MGAM: variants seen among roughly 807,000 people sequenced by gnomAD.
MGAM encodes the protein alpha-1,4-glucosidase.
MGAM carries 253 observed loss-of-function variants against 358.8 expected under a neutral mutation model. The ratio of observed to expected loss-of-function variants is 0.71; its 90% CI spans 0.64 to 0.78. The LOEUF is 0.78. MGAM is among the 30% of genes least tolerant of loss of function. The pLI is 0.00. For synonymous variants in MGAM, 1,105 were observed against 1,227.1 expected (o/e 0.90, Z 2.08); for missense variants, 3,080 against 3,432.6 (o/e 0.90, Z 2.57).
At chr7:142,015,796 GT>G (rs1301359310) in intron 3 of MGAM, among the ~76,000 whole-genome samples, 6 of 151,918 alleles carry the variant, frequency 3.9e-5, no homozygotes, top group Non-Finnish European at 8.8e-5. Context: ...TTGTTGTACA[GT>G]TTTGGTGGAT....
chr7:142,099,454 C>A (rs570251457), intron 66 of MGAM, among the ~76,000 whole-genome samples, 159 bp from the exon 67 acceptor site: 2 of 152,288 alleles, frequency 1.3e-5, no homozygotes, highest in South Asian at 2.1e-4. Flanking sequence ...AGATTTCTTG[C>A]AGCACTGGGT....
intron 21 of MGAM, among the ~76,000 whole-genome samples, chr7:142,046,184 GCTC>G (rs943198619): frequency 7.2e-6 from 1 of 139,264 alleles, no homozygotes; most frequent in African/African-American, 2.7e-5. Flanking sequence ...TTTGTTTTTT[GCTC>G]CTTAGATGAT....
chr7:142,079,069 TG>T (rs1813997122), intron 49 of MGAM, 61 bp downstream of exon 49: 2 of 1,378,700 alleles, frequency 1.5e-6, no homozygotes, highest in Admixed American at 3.9e-5. Flanking sequence ...TATCTTTTTC[TG>T]GTTCAGGTCA....
At chr7:142,102,609 T>G in intron 68 of MGAM, 21 bp from the exon 69 acceptor site, 1 of 1,611,294 alleles carries the variant, frequency 6.2e-7, no homozygotes, top group Non-Finnish European at 8.5e-7. Flanking sequence ...AGGCCATGTT[T>G]ATCTTGTTTT....
rs1380291666 is a variant in MGAM, at chr7:142,082,891, G to T, written c.6268+320G>T. ...TAGGGTAAAACTATGGGTCAGAGAA[G>T]TTAGTCTGGGGATTGTGAGGGTGTA... On this transcript the variant is annotated intron_variant, in intron 52 of 70. Coordinates refer to ENST00000475668, the MANE Select transcript of MGAM (RefSeq NM_001365693.1). Among the ~76,000 whole-genome samples the T allele has an allele frequency of 1.2e-4, 18 of 145,886 alleles. 4 individuals carry two copies. The highest frequency in any genetic ancestry group is 4.7e-5 in the Non-Finnish European group (3 of 64,364).
chr7:142,106,614 TA>T lies in MGAM; in HGVS notation c.*728del, dbSNP rs772018885. The T allele has an allele frequency of 3.3e-5, 5 of 152,216 alleles. No homozygotes were observed. The highest frequency in any genetic ancestry group is 4.4e-5 in the Non-Finnish European group (3 of 68,036). 9.4% of individuals were successfully genotyped at this position (152,216 alleles called of 1,614,324 possible). A position where few individuals can be genotyped will look rare whatever the true frequency, so the allele number is the denominator to read the frequency against. On this transcript the variant is annotated 3_prime_UTR_variant, in exon 71 of 71. Transcript: ENST00000475668. ...AAAGCTCAAAAGAGAGTTTGGAGGT[TA>T]AAAATAATTTATTTTTGCAGTAGTG...
At chr7:142,033,832 C>T (rs1193999236) in intron 14 of MGAM, among the ~76,000 whole-genome samples, 1 of 152,000 alleles carries the variant, frequency 6.6e-6, no homozygotes, top group Non-Finnish European at 1.5e-5. Context: ...GCAATGGGAG[C>T]AGAGAGGAAT....
Position 142,071,103 on chromosome 7 carries a change from T to A in MGAM, c.5171T>A (p.Leu1724Gln). ...GYILPWQEPA[L>Q]NTHLSRKNPL... is the part of the protein sequence containing the mutation. ...ATCCTGCCCTGGCAAGAGCCTGCAC[T>A]GAACACCCACTTAAGGTGAATGACA... The change falls in exon 44 of 71, where the codon CTG (leucine) becomes CAG (glutamine). Residue 1724 changes from leucine (L) to glutamine (Q), a missense_variant. Leu to Gln is a moderately radical substitution (Grantham distance 113, BLOSUM62 -2). Coordinates refer to ENST00000475668, the MANE Select transcript of MGAM (RefSeq NM_001365693.1). The A allele has an allele frequency of 1.3e-6, 2 of 1,555,362 alleles. No individual in the cohort carries two copies. Among genetic ancestry groups the A allele is most frequent in the Non-Finnish European group, 1.8e-6 (2 of 1,131,970 alleles).
chr7:142,077,801 A>C (rs570304178), intron 47 of MGAM, among the ~76,000 whole-genome samples: 29 of 146,038 alleles, frequency 2.0e-4, no homozygotes, highest in African/African-American at 6.5e-4. Flanking sequence ...AAATTAAAAA[A>C]AGAAATCATT....
chr7:141,987,391 T>C (rs1330388598), intron 2 of MGAM, among the ~76,000 whole-genome samples: 2 of 152,210 alleles, frequency 1.3e-5, no homozygotes, highest in Non-Finnish European at 2.9e-5. Flanking sequence ...CTTAATAACA[T>C]GCCGTAATCC....
At chr7:142,044,127 TATA>T (rs1466388919) in intron 21 of MGAM, among the ~76,000 whole-genome samples, 1 of 144,666 alleles carries the variant, frequency 6.9e-6, no homozygotes, top group African/African-American at 2.5e-5. Context: ...ACATACGACG[TATA>T]ATATGTACAT....
At chr7:142,013,978 G>C (rs1805787870) in intron 3 of MGAM, among the ~76,000 whole-genome samples, 2 of 152,138 alleles carry the variant, frequency 1.3e-5, no homozygotes, top group Non-Finnish European at 2.9e-5. Flanking sequence ...GCTTATTTTT[G>C]TAATTTGCCA....
intron 21 of MGAM, among the ~76,000 whole-genome samples, chr7:142,045,555 T>C (rs189820124): frequency 0.021 from 646 of 31,192 alleles, 24 homozygotes; most frequent in Middle Eastern, 0.11. Flanking sequence ...ATACATACAA[T>C]ATATGAATAT....
At chr7:141,994,580 A>G (rs1563093736), upstream of MGAM, among the ~76,000 whole-genome samples, 1 of 152,230 alleles carries the variant, frequency 6.6e-6, no homozygotes, top group African/African-American at 2.4e-5. Flanking sequence ...AGGTTTCACA[A>G]TAGTGATTGA....
chr7:142,008,218 G>T (rs1234540725), intron 2 of MGAM, among the ~76,000 whole-genome samples: 1 of 152,204 alleles, frequency 6.6e-6, no homozygotes, highest in African/African-American at 2.4e-5. Context: ...TAAAGGAAGG[G>T]TGGTCCCCAC....
intron 64 of MGAM, 41 bp downstream of exon 64, chr7:142,095,754 T>G: frequency 3.7e-6 from 6 of 1,605,420 alleles, no homozygotes; most frequent in Non-Finnish European, 5.1e-6. Context: ...ATGGATGACT[T>G]ATTGCATTCT....
At chr7:142,098,172 C>CA (rs1816115555) in intron 66 of MGAM, among the ~76,000 whole-genome samples, 1 of 152,052 alleles carries the variant, frequency 6.6e-6, no homozygotes, top group African/African-American at 2.4e-5. Context: ...GTATGGGACC[C>CA]AACCCTTGTG....
At chr7:142,031,847 C>G in intron 13 of MGAM, 54 bp downstream of exon 13, 1 of 1,208,100 alleles carries the variant, frequency 8.3e-7, no homozygotes, top group Non-Finnish European at 1.2e-6. Context: ...TTGTGTATAT[C>G]TGTATCTGTA....
chr7:142,076,860 G>T, intron 47 of MGAM, 34 bp downstream of exon 47: 1 of 1,534,130 alleles, frequency 6.5e-7, no homozygotes, highest in South Asian at 1.1e-5. Flanking sequence ...GGTACATTGA[G>T]AATTCTCCAT....
Sources: gnomAD v4.1 joint callset for allele counts (sites outside exome capture counted in the v4.1 genomes callset) on GRCh38, gnomAD v4.1.1 for gene constraint, MANE v1.5 for transcripts, NCBI Gene and HGNC (gene_info 2026-07-23, HGNC 2026-07-21) for gene names.